The following STPG1 variants were observed in gnomAD, a reference collection of about 807,000 sequenced individuals.
STPG1 encodes O(6)-methylguanine-induced apoptosis 2.
In STPG1, 33 loss-of-function variants were observed where a neutral mutation model predicts 40.1. That is an observed-to-expected ratio of 0.82 (90% CI 0.62 to 1.10). The LOEUF (loss-of-function observed/expected upper bound fraction) is 1.10, where lower values mean the gene tolerates loss of function less well. Ranked by LOEUF, STPG1 falls within the 50% of genes least tolerant of loss-of-function variation. The pLI, the probability that STPG1 is intolerant of heterozygous loss-of-function variation, is 0.00. For synonymous variants in STPG1, 150 were observed against 155.0 expected (o/e 0.97, Z 0.24); for missense variants, 396 against 415.1 (o/e 0.95, Z 0.40).
intron 7 of STPG1, among the ~76,000 whole-genome samples, chr1:24,366,890 T>A (rs956583531): frequency 6.6e-6 from 1 of 152,190 alleles, no homozygotes; most frequent in African/African-American, 2.4e-5. Context: ...ATAGGTTCCT[T>A]TACTGCAGGC....
At chr1:24,387,285 G>T (rs1642554151) in intron 3 of STPG1, among the ~76,000 whole-genome samples, 1 of 152,226 alleles carries the variant, frequency 6.6e-6, no homozygotes, top group Non-Finnish European at 1.5e-5. Flanking sequence ...TCACAACAGT[G>T]CTCATGGATG....
At position 24,401,466 on chromosome 1, in the gene STPG1, CA is replaced by C; in HGVS notation, c.-68-11del. 1 of 1,158,794 alleles carries C rather than the reference CA, an allele frequency of 8.6e-7. No homozygotes were observed. Among genetic ancestry groups the C allele is most frequent in the Non-Finnish European group, 1.3e-6 (1 of 774,230 alleles). The allele number at this position is 1,158,794 out of a possible 1,614,324, so 71.8% of individuals were successfully genotyped here. A position where few individuals can be genotyped will look rare whatever the true frequency, so the allele number is the denominator to read the frequency against. ...ATGTTCTCCTAAGCACCTGAAACAG[CA>C]AAACACAGCATTTGTAGAGATCATT... On this transcript the variant is annotated splice_polypyrimidine_tract_variant and intron_variant, in intron 1 of 8. Coordinates refer to ENST00000337248, the MANE Select transcript of STPG1 (RefSeq NM_001199013.2).
rs748283519 is a variant in STPG1 at position 24,358,582 on chromosome 1, G to A, written c.966C>T (p.Phe322=). The part of the protein sequence containing the change: ...YKPELPGKQS[F]LYNEDKKWIP... ...TCCATTTCTTGTCCTCGTTGTAGAG[G>A]AAGGACTGCTTTCCTGGAAGCTCTG... The change falls in exon 9 of 9, where the codon TTC becomes TTT. Residue 322 remains phenylalanine, a synonymous_variant. Coordinates refer to ENST00000337248, the MANE Select transcript of STPG1 (RefSeq NM_001199013.2). The A allele has an allele frequency of 1.2e-6, 2 of 1,614,150 alleles. No homozygotes were observed. Among genetic ancestry groups the A allele is most frequent in the East Asian group, 2.2e-5 (1 of 44,878 alleles).
At chr1:24,360,271 CCT>C (rs1156575575) in intron 8 of STPG1, among the ~76,000 whole-genome samples, 8 of 152,100 alleles carry the variant, frequency 5.3e-5, no homozygotes, top group Non-Finnish European at 1.0e-4. Context: ...ATAGCGAACC[CCT>C]GTCTGTCTCT....
chr1:24,386,360 G>A (rs1642503314), intron 3 of STPG1, among the ~76,000 whole-genome samples: 1 of 152,238 alleles, frequency 6.6e-6, no homozygotes, highest in African/African-American at 2.4e-5. Flanking sequence ...TGGAGGAATG[G>A]AGTGCTGCCT....
intron 1 of STPG1, among the ~76,000 whole-genome samples, chr1:24,402,711 A>T (rs1643271221): frequency 6.6e-6 from 1 of 151,202 alleles, no homozygotes; most frequent in Non-Finnish European, 1.5e-5. Context: ...GCACCACTGC[A>T]CTCCAGAATG....
Position 24,369,841 on chromosome 1 carries a change from T to A in STPG1, c.572-2A>T. The A allele has an allele frequency of 6.3e-7, 1 of 1,580,582 alleles. No homozygotes were observed. The highest frequency in any genetic ancestry group is 8.6e-7 in the Non-Finnish European group (1 of 1,161,744). ...GGGATTCGTTGATATCATAATGCCC[T>A]AAGGAGAAAGAAATTTTAGGACAGA... On this transcript the variant is annotated splice_acceptor_variant, in intron 6 of 8. Transcript: ENST00000337248. LOFTEE classifies it high-confidence loss of function.
intron 7 of STPG1, among the ~76,000 whole-genome samples, chr1:24,366,778 G>A (rs1641489873): frequency 6.6e-6 from 1 of 152,100 alleles, no homozygotes; most frequent in African/African-American, 2.4e-5. Context: ...GGTGCCCAGA[G>A]CAGCCCCAGA....
chr1:24,397,133 A>C (rs1468741672), intron 2 of STPG1, among the ~76,000 whole-genome samples: 7 of 152,226 alleles, frequency 4.6e-5, no homozygotes, highest in Non-Finnish European at 1.0e-4. Context: ...TCAAGAGAAC[A>C]TAACAGTCCT....
In STPG1 at chr1:24,395,026, C is replaced by T. The variant is rs551074867; in HGVS notation, c.71-3347G>A. Among the ~76,000 whole-genome samples, 5 of 151,930 alleles carry T rather than the reference C, an allele frequency of 3.3e-5. No individual in the cohort carries two copies. The East Asian group carries it at 9.7e-4, about 29-fold the overall frequency. On this transcript the variant is annotated intron_variant, in intron 2 of 8. Transcript: ENST00000337248. ...TGAAGAAAATGACACCGTAGGCCAA[C>T]CATAATCAAATTGCTTAAAAAGTGA...
chr1:24,371,216 T>C (rs1404020690), intron 6 of STPG1, among the ~76,000 whole-genome samples: 2 of 152,188 alleles, frequency 1.3e-5, no homozygotes, highest in African/African-American at 2.4e-5. Context: ...CCTTAATTTA[T>C]GGTACTATCA....
chr1:24,392,006 T>C (rs1642793022), intron 2 of STPG1: 2 of 1,053,154 alleles, frequency 1.9e-6, no homozygotes, highest in Non-Finnish European at 2.3e-6. Flanking sequence ...GCAAAACTAT[T>C]CTGGGAGCAG....
intron 7 of STPG1, among the ~76,000 whole-genome samples, chr1:24,362,103 C>T (rs1253594166): frequency 2.6e-5 from 4 of 152,178 alleles, no homozygotes; most frequent in African/African-American, 9.7e-5. Context: ...TCCCCAGCTT[C>T]CCCCAGCACT....
rs148844159 is a variant in STPG1, at chr1:24,410,494, A to G, written c.-69+3180T>C. Among the ~76,000 whole-genome samples, 4 of 152,318 alleles carry G rather than the reference A, an allele frequency of 2.6e-5. No individual in the cohort carries two copies. The East Asian group carries it at 5.8e-4, about 22-fold the overall frequency. ...CATGGTGGCGTGCACCTGTAGTCCC[A>G]GCTACTCAGGAGACTGATGCAGGAG... On this transcript the variant is annotated intron_variant, in intron 1 of 8. Coordinates refer to ENST00000337248, the MANE Select transcript of STPG1 (RefSeq NM_001199013.2).
chr1:24,413,354 C>A (rs1643823146), intron 1 of STPG1, among the ~76,000 whole-genome samples: 1 of 152,250 alleles, frequency 6.6e-6, no homozygotes, highest in African/African-American at 2.4e-5. Context: ...GGCACTGAAG[C>A]CTCCCAACTT....
At chr1:24,379,008 C>T (rs1642159069) in intron 5 of STPG1, among the ~76,000 whole-genome samples, 1 of 152,214 alleles carries the variant, frequency 6.6e-6, no homozygotes, top group South Asian at 2.1e-4. Flanking sequence ...GGGCATGAAG[C>T]ATACATTATC....
At position 24,358,202 on chromosome 1, in the gene STPG1, C is replaced by A. The variant is rs1054497439; in HGVS notation, c.*341G>T. 3.7e-6 allele frequency: 2 copies of A among 538,578 alleles called. No individual in the cohort carries two copies. Among genetic ancestry groups the A allele is most frequent in the Admixed American group, 4.4e-5 (2 of 44,970 alleles). The allele number at this position is 538,578 out of a possible 1,614,324, so 33.4% of individuals were successfully genotyped here. A position where few individuals can be genotyped will look rare whatever the true frequency, so the allele number is the denominator to read the frequency against. On this transcript the variant is annotated 3_prime_UTR_variant, in exon 9 of 9. Transcript: ENST00000337248. ...GTGGACTGATCCTCCTTGAAGTCTGCGCTTCAGGAGTCCCTTCAGTCTGCG... is the reference window on the plus strand; with the variant it reads ...GTGGACTGATCCTCCTTGAAGTCTGAGCTTCAGGAGTCCCTTCAGTCTGCG...
At chr1:24,378,183 AAG>A (rs1287453857) in intron 5 of STPG1, among the ~76,000 whole-genome samples, 4 of 152,244 alleles carry the variant, frequency 2.6e-5, no homozygotes, top group Non-Finnish European at 4.4e-5. Context: ...CTGGATTTTA[AAG>A]ACTCACTACA....
At chr1:24,403,834 T>C (rs762822818) in intron 1 of STPG1, among the ~76,000 whole-genome samples, 54 of 152,192 alleles carry the variant, frequency 3.5e-4, no homozygotes, top group Non-Finnish European at 7.4e-4. Flanking sequence ...TTTTTTTCAG[T>C]TCTAGTAGCT....
Sources: allele counts gnomAD v4.1 joint callset (sites outside exome capture counted in the v4.1 genomes callset), GRCh38; gene constraint gnomAD v4.1.1; transcripts MANE v1.5; gene names NCBI Gene and HGNC (gene_info 2026-07-23, HGNC 2026-07-21).